The following CCDC158 variants were observed in gnomAD, a reference collection of about 807,000 sequenced individuals.
The protein encoded by CCDC158 is coiled-coil domain containing 158.
A neutral mutation model predicts 138.6 loss-of-function variants in CCDC158; 116 were observed. The observed-to-expected ratio is 0.84, with a 90% CI of 0.72 to 0.98. The LOEUF (loss-of-function observed/expected upper bound fraction) is 0.98, where lower values mean the gene tolerates loss of function less well. Ranked by LOEUF, CCDC158 falls within the 50% of genes least tolerant of loss-of-function variation. The pLI, the probability that CCDC158 is intolerant of heterozygous loss-of-function variation, is 0.00. For synonymous variants in CCDC158, 436 were observed against 442.4 expected (o/e 0.99, Z 0.18); for missense variants, 1,265 against 1,306.1 (o/e 0.97, Z 0.48).
At chr4:76,357,327 A>T (rs1648554928) in intron 14 of CCDC158, 47 bp downstream of exon 14, 1 of 1,377,702 alleles carries the variant, frequency 7.3e-7, no homozygotes, top group African/African-American at 1.5e-5. Flanking sequence ...AATTTAGTCC[A>T]TTAAATTAAA....
chr4:76,320,409 A>T (rs1053153598), intron 24 of CCDC158, among the ~76,000 whole-genome samples: 1 of 152,166 alleles, frequency 6.6e-6, no homozygotes, highest in Non-Finnish European at 1.5e-5. Flanking sequence ...TCAAAATACC[A>T]TCATCATTCT....
intron 14 of CCDC158, among the ~76,000 whole-genome samples, chr4:76,356,015 A>T (rs533071850): frequency 6.6e-6 from 1 of 152,204 alleles, no homozygotes; most frequent in Admixed American, 6.5e-5. Flanking sequence ...ACTCACTACC[A>T]TCTCAGTAGC....
chr4:76,400,850 A>C (rs1305271690), intron 3 of CCDC158, among the ~76,000 whole-genome samples: 1 of 152,208 alleles, frequency 6.6e-6, no homozygotes, highest in Admixed American at 6.5e-5. Flanking sequence ...GTGCAAGAGA[A>C]TAATAAAGGG....
rs79976952 is a variant in CCDC158, at chr4:76,419,120, T to G, written c.-117+1845A>C. ...CTTTGCCACTTTTTACCTTTATTCT[T>G]TTTAGCCAGAGCAAATAGTGATATA... is the stretch of plus-strand genomic sequence containing the variant. On this transcript the variant is annotated intron_variant, in intron 1 of 24. Coordinates refer to ENST00000682701, the MANE Select transcript of CCDC158 (RefSeq NM_001394954.1). 3.9e-3 allele frequency among the ~76,000 whole-genome samples: 600 copies of G among 152,286 alleles called. 2 individuals carry two copies. Among genetic ancestry groups the G allele is most frequent in the African/African-American group, 0.013 (560 of 41,554 alleles).
rs1303501662 is a variant in CCDC158 at position 76,379,290 on chromosome 4, C to T, written c.1029G>A (p.Lys343=). Residue 343 remains lysine, a splice_region_variant and synonymous_variant, in exon 9 of 25, where the codon AAG becomes AAA. Transcript: ENST00000682701. ...ACAGACCAGCAAAACCTAAACTCAC[C>T]TTGTCTTCATACATCCTTTTGGCTT... ...LREAKRMYED[K]TEELEKQLVL... is the part of the protein sequence containing the mutation. The T allele has an allele frequency of 1.5e-5, 24 of 1,588,508 alleles. No individual in the cohort carries two copies. The highest frequency in any genetic ancestry group is 3.6e-5 in the Admixed American group (2 of 56,192).
chr4:76,364,129 T>C (rs891830681), intron 12 of CCDC158, among the ~76,000 whole-genome samples: 1 of 152,188 alleles, frequency 6.6e-6, no homozygotes, highest in African/African-American at 2.4e-5. Flanking sequence ...TCCCCTACAA[T>C]CCTTTCTGAC....
chr4:76,348,157 G>T (rs977158027), intron 18 of CCDC158, among the ~76,000 whole-genome samples: 7 of 151,696 alleles, frequency 4.6e-5, no homozygotes, highest in African/African-American at 1.7e-4. Context: ...GGGCGCGGTG[G>T]CTCAGGCCTG....
At chr4:76,385,800 C>G (rs1726730778) in intron 4 of CCDC158, among the ~76,000 whole-genome samples, 2 of 151,736 alleles carry the variant, frequency 1.3e-5, no homozygotes, top group South Asian at 4.2e-4. Context: ...TGAAAAAAAA[C>G]AAAAATTCAT....
chr4:76,351,219 C>A, intron 17 of CCDC158, 98 bp from the exon 18 acceptor site: 1 of 1,136,098 alleles, frequency 8.8e-7, no homozygotes, highest in South Asian at 1.8e-5. Context: ...AGGCAAAATC[C>A]ATTATTGAGA....
chr4:76,421,597 C>T (rs1306070612), upstream of CCDC158: 2 of 152,210 alleles, frequency 1.3e-5, no homozygotes, highest in Non-Finnish European at 2.9e-5. Flanking sequence ...AGTCTGAGCT[C>T]TTACCTGCCA....
chr4:76,324,260 T>G (rs1193339452), intron 23 of CCDC158, among the ~76,000 whole-genome samples: 1 of 151,284 alleles, frequency 6.6e-6, no homozygotes, highest in East Asian at 1.9e-4. Context: ...GGATCTCAGC[T>G]CATTGCAACC....
chr4:76,408,096 TA>T (rs1263866330), intron 2 of CCDC158, among the ~76,000 whole-genome samples: 7 of 151,114 alleles, frequency 4.6e-5, no homozygotes, highest in Non-Finnish European at 8.8e-5. Flanking sequence ...TATTATTTTT[TA>T]CTGCTCCTTG....
chr4:76,381,081 G>A (rs1361027493), intron 8 of CCDC158, among the ~76,000 whole-genome samples: 3 of 152,250 alleles, frequency 2.0e-5, no homozygotes, highest in Non-Finnish European at 4.4e-5. Context: ...GACATCTGCT[G>A]TAGGAGTAGA....
chr4:76,362,461 A>G (rs562523295), intron 12 of CCDC158, 146 bp from the exon 13 acceptor site: 1 of 529,486 alleles, frequency 1.9e-6, no homozygotes, highest in Non-Finnish European at 3.3e-6. Flanking sequence ...TATTCCATCT[A>G]TATTTATTAT....
In CCDC158 at chr4:76,367,307, AG is replaced by A. The variant is rs1315644255; in HGVS notation, c.1816del (p.Leu606Ter). 2 of 1,611,946 alleles carry A rather than the reference AG, an allele frequency of 1.2e-6. No individual in the cohort carries two copies. Among genetic ancestry groups the A allele is most frequent in the African/African-American group, 2.7e-5 (2 of 74,768 alleles). ...EKEINDRRME[L>X]KELKILKDKK... ...AACTCTACAGACCTTAAGTTCCTTTAGTTCCATCCGCCTATCATTAATTTCT... is the reference window on the plus strand; with the variant it reads ...AACTCTACAGACCTTAAGTTCCTTTATTCCATCCGCCTATCATTAATTTCT... On this transcript the variant is annotated frameshift_variant, in exon 12 of 25. Coordinates refer to ENST00000682701, the MANE Select transcript of CCDC158 (RefSeq NM_001394954.1). LOFTEE classifies it high-confidence loss of function.
intron 4 of CCDC158, 92 bp from the exon 5 acceptor site, chr4:76,384,757 T>C (rs772071807): frequency 2.4e-6 from 2 of 830,926 alleles, no homozygotes; most frequent in Non-Finnish European, 3.9e-6. Context: ...TATTTTCAAT[T>C]CATTTTTATG....
chr4:76,353,210 G>C lies in CCDC158; in HGVS notation c.2358C>G (p.Asn786Lys), dbSNP rs372478172. The change falls in exon 16 of 25, where the codon AAC becomes AAG. Residue 786 changes from asparagine (N) to lysine (K), a missense_variant. By Grantham distance (94) the Asn-to-Lys change is moderately conservative. Transcript: ENST00000682701. ...QELSTVATEK[N>K]KMAGELEVLR... ...GAACTTCCAACTCCCCAGCCATCTT[G>C]TTTTTTTCTGTGGCAACAGTACTCA... The C allele has an allele frequency of 5.5e-5, 88 of 1,613,088 alleles. No homozygotes were observed. The highest frequency in any genetic ancestry group is 7.4e-5 in the Non-Finnish European group (87 of 1,179,594).
intron 2 of CCDC158, among the ~76,000 whole-genome samples, chr4:76,409,648 G>A (rs1729130965): frequency 1.3e-5 from 2 of 152,026 alleles, no homozygotes; most frequent in South Asian, 4.1e-4. Flanking sequence ...TGGCTAACAT[G>A]GTGAAACCTC....
chr4:76,390,019 T>C (rs1283032437), intron 4 of CCDC158, among the ~76,000 whole-genome samples: 6 of 152,118 alleles, frequency 3.9e-5, no homozygotes, highest in African/African-American at 9.7e-5. Flanking sequence ...GAATAAATCA[T>C]CCAAAGGTAC....
Sources: gnomAD v4.1 joint callset for allele counts (sites outside exome capture counted in the v4.1 genomes callset) on GRCh38, gnomAD v4.1.1 for gene constraint, MANE v1.5 for transcripts, NCBI Gene and HGNC (gene_info 2026-07-23, HGNC 2026-07-21) for gene names.